Variants in IQCM observed in about 807,000 individuals in gnomAD.
IQCM encodes IQ motif containing M, also known as IQ domain-containing protein M.
IQCM carries 45 observed loss-of-function variants against 57.6 expected under a neutral mutation model. The observed-to-expected ratio is 0.78, with a 90% confidence interval of 0.62 to 1.00. The LOEUF (loss-of-function observed/expected upper bound fraction) is 1.00, where lower values mean the gene tolerates loss of function less well. IQCM is among the 50% of genes least tolerant of loss of function. The pLI is 0.00. For synonymous variants in IQCM, 148 were observed against 158.9 expected (o/e 0.93, Z 0.51); for missense variants, 468 against 511.6 (o/e 0.91, Z 0.82).
At chr4:149,618,498 A>G (rs937645400) in intron 8 of IQCM, among the ~76,000 whole-genome samples, 1 of 152,194 alleles carries the variant, frequency 6.6e-6, no homozygotes, top group African/African-American at 2.4e-5. Context: ...AAAAATGGAC[A>G]AATGAGACCT....
chr4:149,512,531 C>A (rs141336302), intron 12 of IQCM, among the ~76,000 whole-genome samples: 15 of 152,198 alleles, frequency 9.9e-5, no homozygotes, highest in Non-Finnish European at 2.1e-4. Flanking sequence ...GGTTTAATTT[C>A]TTTCTCTTTT....
chr4:149,672,086 A>G (rs1306028129), intron 7 of IQCM, among the ~76,000 whole-genome samples: 1 of 152,202 alleles, frequency 6.6e-6, no homozygotes, highest in Non-Finnish European at 1.5e-5. Context: ...ACTAACAAAC[A>G]GAAAGGACAT....
At chr4:149,502,502 T>C (rs1425879170) in intron 12 of IQCM, among the ~76,000 whole-genome samples, 7 of 151,976 alleles carry the variant, frequency 4.6e-5, no homozygotes, top group Non-Finnish European at 1.0e-4. Flanking sequence ...ACCCTGTCTC[T>C]GCAAACAAAA....
chr4:149,474,391 T>C (rs1739944405), intron 12 of IQCM, among the ~76,000 whole-genome samples: 2 of 151,194 alleles, frequency 1.3e-5, no homozygotes, highest in African/African-American at 2.4e-5. Context: ...AGCCTGGCAA[T>C]AGAGCAAGAC....
intron 5 of IQCM, among the ~76,000 whole-genome samples, chr4:149,694,958 T>G: frequency 6.6e-6 from 1 of 152,324 alleles, no homozygotes; most frequent in Middle Eastern, 3.4e-3. Context: ...TTTATTTAAT[T>G]TCATATGAAT....
chr4:149,578,088 T>A (rs962708914), intron 9 of IQCM, among the ~76,000 whole-genome samples: 8 of 151,810 alleles, frequency 5.3e-5, no homozygotes, highest in Non-Finnish European at 2.9e-5. Context: ...GAAACTTTGC[T>A]GAAGTTTATC....
chr4:149,669,616 C>A (rs1049908022), intron 7 of IQCM, among the ~76,000 whole-genome samples: 3 of 152,118 alleles, frequency 2.0e-5, no homozygotes, highest in Non-Finnish European at 4.4e-5. Context: ...TTAGGTCTAA[C>A]ATTTAAGTCT....
chr4:149,717,833 G>A (rs982342096), intron 5 of IQCM, among the ~76,000 whole-genome samples: 4 of 152,180 alleles, frequency 2.6e-5, no homozygotes, highest in East Asian at 1.9e-4. Context: ...CAATGCATGT[G>A]CCACTCAATA....
At chr4:149,410,411 T>C (rs1404152492) in intron 13 of IQCM, among the ~76,000 whole-genome samples, 2 of 150,326 alleles carry the variant, frequency 1.3e-5, no homozygotes. Context: ...AATATATATA[T>C]ACACACACCT....
At chr4:149,663,423 A>G (rs190288561) in intron 7 of IQCM, among the ~76,000 whole-genome samples, 1 of 152,130 alleles carries the variant, frequency 6.6e-6, no homozygotes, top group African/African-American at 2.4e-5. Context: ...GATAGTAATT[A>G]TCATCCTCTT....
chr4:149,706,699 C>T (rs1303758307), intron 5 of IQCM, among the ~76,000 whole-genome samples: 1 of 151,910 alleles, frequency 6.6e-6, no homozygotes, highest in East Asian at 1.9e-4. Flanking sequence ...CTTTTTCTTT[C>T]ATGATGTAAC....
chr4:149,366,225 G>C (rs1242879993), intron 13 of IQCM, among the ~76,000 whole-genome samples: 1 of 152,072 alleles, frequency 6.6e-6, no homozygotes, highest in East Asian at 1.9e-4. Context: ...TCTAATAAAA[G>C]AGTACCAACA....
At chr4:149,592,325 T>G (rs1440909301) in intron 8 of IQCM, among the ~76,000 whole-genome samples, 1 of 152,188 alleles carries the variant, frequency 6.6e-6, no homozygotes, top group Non-Finnish European at 1.5e-5. Flanking sequence ...TCTTGTAAAT[T>G]TGTTTAAGTT....
At chr4:149,733,209 G>A in intron 5 of IQCM, 35 bp downstream of exon 5, 4 of 1,229,606 alleles carry the variant, frequency 3.3e-6, no homozygotes, top group Non-Finnish European at 4.1e-6. Flanking sequence ...TTGTCCGTGA[G>A]TTTGCTGAAT....
intron 12 of IQCM, among the ~76,000 whole-genome samples, chr4:149,462,568 AC>A (rs1738419150): frequency 6.6e-6 from 1 of 152,218 alleles, no homozygotes; most frequent in African/African-American, 2.4e-5. Context: ...AATTTTCAAT[AC>A]AGCAATAGGA....
intron 7 of IQCM, among the ~76,000 whole-genome samples, chr4:149,662,780 A>C (rs898306632): frequency 3.3e-5 from 5 of 151,648 alleles, no homozygotes; most frequent in Non-Finnish European, 7.4e-5. Context: ...CTTCACTTTC[A>C]GTCTATGTTT....
chr4:149,726,586 A>T (rs905145279), intron 5 of IQCM, among the ~76,000 whole-genome samples: 1 of 152,032 alleles, frequency 6.6e-6, no homozygotes, highest in African/African-American at 2.4e-5. Context: ...TTCCTCAATG[A>T]TCTTATCTAA....
intron 13 of IQCM, among the ~76,000 whole-genome samples, chr4:149,366,665 C>T (rs1358807781): frequency 6.6e-6 from 1 of 151,654 alleles, no homozygotes; most frequent in Non-Finnish European, 1.5e-5. Flanking sequence ...TACATAACAG[C>T]ATGAAGAGCT....
intron 9 of IQCM, 126 bp from the exon 10 acceptor site, chr4:149,564,016 C>T: frequency 4.2e-6 from 2 of 475,308 alleles, no homozygotes; most frequent in Non-Finnish European, 3.3e-6. Context: ...ACATAGAATT[C>T]AATGTATGAT....
Sources: gnomAD v4.1 joint callset for allele counts (sites outside exome capture counted in the v4.1 genomes callset) on GRCh38, gnomAD v4.1.1 for gene constraint, MANE v1.5 for transcripts, NCBI Gene and HGNC (gene_info 2026-07-23, HGNC 2026-07-21) for gene names.